The following GAS2L3 variants were observed in gnomAD, a reference collection of about 807,000 sequenced individuals.
The protein encoded by GAS2L3 is GAS2-like protein 3.
GAS2L3 carries 28 observed loss-of-function variants against 37.0 expected under a neutral mutation model. The observed-to-expected ratio is 0.76, with a 90% CI of 0.56 to 1.04. GAS2L3 has a LOEUF of 1.04. Ranked by LOEUF, GAS2L3 falls within the 50% of genes least tolerant of loss-of-function variation. GAS2L3 has a pLI of 0.00. For missense variants in GAS2L3, 793 were observed against 817.6 expected, an observed-to-expected ratio of 0.97 and a Z score of 0.37; for synonymous variants, 290 against 296.6, an observed-to-expected ratio of 0.98 and a Z score of 0.23.
At chr12:100,594,830 A>C (rs889151604) in intron 2 of GAS2L3, 45 bp from the exon 3 acceptor site, 13 of 667,424 alleles carry the variant, frequency 1.9e-5, no homozygotes, top group Non-Finnish European at 3.0e-5. Flanking sequence ...GGAGTAGCAA[A>C]ACTGCCACTG....
chr12:100,586,852 G>T (rs948636185), intron 1 of GAS2L3, among the ~76,000 whole-genome samples: 1 of 151,830 alleles, frequency 6.6e-6, no homozygotes, highest in African/African-American at 2.4e-5. Context: ...GAAAAGAAGA[G>T]AAAAAATCCA....
intron 1 of GAS2L3, chr12:100,578,841 A>G (rs1439627444): frequency 5.6e-6 from 4 of 711,470 alleles, no homozygotes; most frequent in Non-Finnish European, 1.0e-5. Context: ...ACCCATACCC[A>G]TAATATATGT....
chr12:100,591,020 A>G (rs1018636825), intron 1 of GAS2L3, among the ~76,000 whole-genome samples: 1 of 152,188 alleles, frequency 6.6e-6, no homozygotes, highest in African/African-American at 2.4e-5. Context: ...AATCTCACAA[A>G]TCACCACTAA....
intron 1 of GAS2L3, among the ~76,000 whole-genome samples, chr12:100,577,426 A>G (rs897963952): frequency 6.6e-6 from 1 of 152,242 alleles, no homozygotes; most frequent in African/African-American, 2.4e-5. Flanking sequence ...AATTATGTCT[A>G]ATATAAAATT....
At chr12:100,618,736 A>C (rs1956218955) in intron 8 of GAS2L3, 149 bp downstream of exon 8, 1 of 605,330 alleles carries the variant, frequency 1.7e-6, no homozygotes, top group African/African-American at 1.9e-5. Flanking sequence ...TTCTCTGATG[A>C]ATTCAGGGCA....
intron 1 of GAS2L3, among the ~76,000 whole-genome samples, chr12:100,588,337 G>A (rs1222887261): frequency 6.6e-6 from 1 of 152,198 alleles, no homozygotes; most frequent in Non-Finnish European, 1.5e-5. Flanking sequence ...CGGTAGGCCT[G>A]TGATGCCCTC....
chr12:100,607,277 G>A (rs1021394134), intron 5 of GAS2L3, among the ~76,000 whole-genome samples: 6 of 152,158 alleles, frequency 3.9e-5, no homozygotes, highest in Admixed American at 2.0e-4. Flanking sequence ...GGTTTCCACT[G>A]AAAAATTTGC....
At chr12:100,615,584 A>G (rs1164771521) in intron 6 of GAS2L3, among the ~76,000 whole-genome samples, 1 of 151,972 alleles carries the variant, frequency 6.6e-6, no homozygotes, top group Non-Finnish European at 1.5e-5. Flanking sequence ...AGTCATATAT[A>G]TTTTTAACAT....
intron 1 of GAS2L3, among the ~76,000 whole-genome samples, chr12:100,583,084 C>T (rs35700): frequency 0.51 from 77,696 of 151,936 alleles, 20,315 homozygotes; most frequent in South Asian, 0.7. Flanking sequence ...AGAAAGAATT[C>T]GGGACAAGTC....
intron 1 of GAS2L3, among the ~76,000 whole-genome samples, chr12:100,581,527 A>T (rs1051428035): frequency 6.6e-6 from 1 of 152,268 alleles, no homozygotes; most frequent in Non-Finnish European, 1.5e-5. Flanking sequence ...CACAAAACTT[A>T]CTACTTTCTA....
chr12:100,576,629 C>T (rs35715), intron 1 of GAS2L3, among the ~76,000 whole-genome samples: 79,487 of 151,970 alleles, frequency 0.52, 21,395 homozygotes, highest in East Asian at 0.72. Flanking sequence ...TTAGTTGTCA[C>T]AGAGAAATGC....
At chr12:100,578,874 C>G in intron 1 of GAS2L3, 1 of 775,716 alleles carries the variant, frequency 1.3e-6, no homozygotes, top group Non-Finnish European at 2.3e-6. Context: ...TTTTTCTACC[C>G]AAATATGGGA....
chr12:100,576,409 G>A (rs537463056), intron 1 of GAS2L3, among the ~76,000 whole-genome samples: 2 of 152,112 alleles, frequency 1.3e-5, no homozygotes, highest in African/African-American at 2.4e-5. Flanking sequence ...AGTAACGTGT[G>A]TATTTTACTT....
At chr12:100,575,424 A>G (rs1955623050) in intron 1 of GAS2L3, among the ~76,000 whole-genome samples, 1 of 147,882 alleles carries the variant, frequency 6.8e-6, no homozygotes, top group African/African-American at 2.5e-5. Flanking sequence ...TTCTTTACTT[A>G]TATTATTGTT....
Position 100,622,749 on chromosome 12 carries a change from TAAAAAAAAAAAAAAAAAA to T in GAS2L3, c.756+383_756+400del. The stretch of plus-strand genomic sequence containing the variant: ...ATCTAATAAGATTGAGTATCCATAG[TAAAAAAAAAAAAAAAAAA>T]AAAAAAAAAAAAAAAGAAAAGAAAG... On this transcript the variant is annotated intron_variant, in intron 9 of 9. Coordinates refer to ENST00000547754, the MANE Select transcript of GAS2L3 (RefSeq NM_174942.3). Among the ~76,000 whole-genome samples, 29 of 26,848 alleles carry T rather than the reference TAAAAAAAAAAAAAAAAAA, an allele frequency of 1.1e-3. No homozygotes were observed. In the South Asian group the frequency reaches 0.054, roughly 50 times the overall value. 17.6% of individuals were successfully genotyped at this position (26,848 alleles called of 152,430 possible). A position where few individuals can be genotyped will look rare whatever the true frequency, so the allele number is the denominator to read the frequency against.
chr12:100,620,689 C>A (rs1956241807), intron 8 of GAS2L3, among the ~76,000 whole-genome samples: 1 of 151,946 alleles, frequency 6.6e-6, no homozygotes, highest in Non-Finnish European at 1.5e-5. Flanking sequence ...AAATAAGGAA[C>A]AATTATTTTC....
chr12:100,610,897 C>G (rs1956119123), intron 5 of GAS2L3: 1 of 151,930 alleles, frequency 6.6e-6, no homozygotes, highest in African/African-American at 2.4e-5. Flanking sequence ...GGAACAACTA[C>G]TTCCTTATTT....
At chr12:100,577,539 T>G (rs1955652555) in intron 1 of GAS2L3, among the ~76,000 whole-genome samples, 1 of 152,186 alleles carries the variant, frequency 6.6e-6, no homozygotes, top group African/African-American at 2.4e-5. Context: ...ACATGTAATG[T>G]TTTATTAAAC....
chr12:100,592,852 G>A (rs77607136), intron 2 of GAS2L3, among the ~76,000 whole-genome samples: 2,872 of 152,054 alleles, frequency 0.019, 74 homozygotes, highest in African/African-American at 0.06. Flanking sequence ...ATTGAAATAG[G>A]CTTCTTCAAA....
Sources: allele counts gnomAD v4.1 joint callset (sites outside exome capture counted in the v4.1 genomes callset), GRCh38; gene constraint gnomAD v4.1.1; transcripts MANE v1.5; gene names NCBI Gene and HGNC (gene_info 2026-07-23, HGNC 2026-07-21).